The following POLR1D variants were observed in gnomAD, a reference collection of about 807,000 sequenced individuals.
POLR1D encodes RNA polymerase I and III subunit D.
A neutral mutation model predicts 10.8 loss-of-function variants in POLR1D; 8 were observed. The ratio of observed to expected loss-of-function variants is 0.74; its 90% CI spans 0.43 to 1.33. The LOEUF (loss-of-function observed/expected upper bound fraction) is 1.33. POLR1D is among the 40% of genes most tolerant of loss of function. The pLI is 0.01. For synonymous variants in POLR1D, 54 were observed against 57.2 expected, an observed-to-expected ratio of 0.94 and a Z score of 0.25; for missense variants, 152 against 161.7, an observed-to-expected ratio of 0.94 and a Z score of 0.32.
downstream of POLR1D, among the ~76,000 whole-genome samples, chr13:27,624,346 G>C (rs982490571): frequency 2.6e-5 from 4 of 152,200 alleles, no homozygotes; most frequent in Non-Finnish European, 1.5e-5. Flanking sequence ...TGGAACACCT[G>C]ACAGGTAGTG....
intron 1 of POLR1D, among the ~76,000 whole-genome samples, chr13:27,641,073 A>T (rs1486780783): frequency 3.3e-5 from 5 of 152,184 alleles, no homozygotes; most frequent in African/African-American, 1.2e-4. Flanking sequence ...CTTTAAAAAA[A>T]ATTTTCAATC....
chr13:27,627,098 TAG>T (rs1956018610), downstream of POLR1D, among the ~76,000 whole-genome samples: 6 of 152,236 alleles, frequency 3.9e-5, no homozygotes, highest in Admixed American at 3.3e-4. Flanking sequence ...TAGCGTAATT[TAG>T]AGTCATTCTT....
Position 27,643,847 on chromosome 13 carries a change from A to T in POLR1D, c.27-4532A>T, listed in dbSNP as rs189667335. On this transcript the variant is annotated intron_variant, in intron 1 of 2. Transcript: ENST00000399697. ...AACAGCAGCAAATGATGCTGTACTC[A>T]TTTCTGCCAATTTTCTAAGAAGTCT... 3.4e-3 allele frequency among the ~76,000 whole-genome samples: 515 copies of T among 152,270 alleles called. 1 individual carries two copies. Among genetic ancestry groups the T allele is most frequent in the Admixed American group, 6.1e-3 (94 of 15,288 alleles).
At chr13:27,635,340 A>G (rs1237952656) in intron 1 of POLR1D, among the ~76,000 whole-genome samples, 1 of 152,194 alleles carries the variant, frequency 6.6e-6, no homozygotes, top group Non-Finnish European at 1.5e-5. Flanking sequence ...AGAAACTTTT[A>G]TTCACGGATT....
intron 2 of POLR1D, among the ~76,000 whole-genome samples, chr13:27,651,928 T>C (rs1566150605): frequency 6.6e-6 from 1 of 152,214 alleles, no homozygotes; most frequent in Middle Eastern, 3.2e-3. Flanking sequence ...TAGCAGTTAG[T>C]TAGTAAATAT....
At chr13:27,639,403 CAG>C (rs1272235854) in intron 1 of POLR1D, among the ~76,000 whole-genome samples, 1 of 152,098 alleles carries the variant, frequency 6.6e-6, no homozygotes, top group Non-Finnish European at 1.5e-5. Context: ...CTTTTCTATT[CAG>C]AGTTTAACAT....
At position 27,663,267 on chromosome 13, in the gene POLR1D, G is replaced by T. The variant is rs563494651; in HGVS notation, c.102-2419G>T. On this transcript the variant is annotated intron_variant, in intron 2 of 2. Coordinates refer to the POLR1D transcript ENST00000399697. The surrounding 1 kb of genome is among the most constrained non-coding windows in gnomAD (Gnocchi z 4.1). ...GAGCACTTGTCATCACTTCTAAAAT[G>T]TGTACTGGCATGCCTGGGAGATGTC... 1.3e-5 allele frequency among the ~76,000 whole-genome samples: 2 copies of T among 152,256 alleles called. No individual in the cohort carries two copies. Among genetic ancestry groups the T allele is most frequent in the African/African-American group, 4.8e-5 (2 of 41,544 alleles).
At chr13:27,635,696 C>CTA (rs3081355) in intron 1 of POLR1D, among the ~76,000 whole-genome samples, 4,933 of 140,422 alleles carry the variant, frequency 0.035, 118 homozygotes, top group African/African-American at 0.07. Flanking sequence ...TACAAAGTAA[C>CTA]TATATATATA....
At chr13:27,642,499 A>T (rs1442865577) in intron 1 of POLR1D, among the ~76,000 whole-genome samples, 1 of 151,290 alleles carries the variant, frequency 6.6e-6, no homozygotes, top group African/African-American at 2.4e-5. Context: ...TCTTCTTCTC[A>T]CCTCCTTTGT....
intron 2 of POLR1D, among the ~76,000 whole-genome samples, chr13:27,648,860 A>G (rs1002275562): frequency 6.6e-6 from 1 of 152,236 alleles, no homozygotes; most frequent in Non-Finnish European, 1.5e-5. Context: ...CATTTTGATT[A>G]TGTGACAATT....
intron 1 of POLR1D, among the ~76,000 whole-genome samples, chr13:27,633,247 A>C (rs367687214): frequency 1.3e-5 from 2 of 152,220 alleles, no homozygotes; most frequent in East Asian, 1.9e-4. Flanking sequence ...TTATACACAC[A>C]TAAGAAGGCA....
chr13:27,644,150 T>C (rs972725237), intron 1 of POLR1D, among the ~76,000 whole-genome samples: 1 of 152,200 alleles, frequency 6.6e-6, no homozygotes, highest in African/African-American at 2.4e-5. Flanking sequence ...AGCAGTTATT[T>C]GAGATTTAGC....
chr13:27,656,721 C>A (rs763090704), intron 2 of POLR1D, among the ~76,000 whole-genome samples: 6 of 152,120 alleles, frequency 3.9e-5, no homozygotes, highest in African/African-American at 1.4e-4. Context: ...GTTCTCTGTG[C>A]CCCTTTACCC....
intron 2 of POLR1D, among the ~76,000 whole-genome samples, chr13:27,661,827 C>A (rs952056551): frequency 6.6e-6 from 1 of 152,164 alleles, no homozygotes; most frequent in Admixed American, 6.5e-5. Flanking sequence ...CCACCTACTT[C>A]AACCGTTAGT....
downstream of POLR1D, among the ~76,000 whole-genome samples, chr13:27,626,961 CAA>C: frequency 6.6e-6 from 1 of 152,204 alleles, no homozygotes; most frequent in East Asian, 1.9e-4. Flanking sequence ...TCTTGCATCT[CAA>C]GAGATAGGAA....
At chr13:27,623,572 T>C (rs1384115714), downstream of POLR1D, 2 of 290,818 alleles carry the variant, frequency 6.9e-6, no homozygotes, top group South Asian at 3.8e-5. Flanking sequence ...AGAACTGTGA[T>C]CATGGGAATT....
downstream of POLR1D, among the ~76,000 whole-genome samples, chr13:27,624,078 T>G (rs958627245): frequency 6.6e-6 from 1 of 152,098 alleles, no homozygotes; most frequent in Non-Finnish European, 1.5e-5. Context: ...AATGACTGTT[T>G]TGGAAAACAC....
intron 2 of POLR1D, chr13:27,648,459 T>C: frequency 6.3e-7 from 1 of 1,591,866 alleles, no homozygotes; most frequent in Non-Finnish European, 8.6e-7. Context: ...GGTTGGTAAG[T>C]TCTTTGAGTA....
chr13:27,636,136 G>C (rs1374612541), intron 1 of POLR1D, among the ~76,000 whole-genome samples: 1 of 152,170 alleles, frequency 6.6e-6, no homozygotes, highest in Non-Finnish European at 1.5e-5. Context: ...GATAGTGTTA[G>C]TGTTGGTACT....
Sources: gnomAD v4.1 joint callset for allele counts (sites outside exome capture counted in the v4.1 genomes callset) on GRCh38, gnomAD v4.1.1 for gene constraint, Gnocchi (gnomAD v3.1) non-coding constraint, MANE v1.5 for transcripts, NCBI Gene and HGNC (gene_info 2026-07-23, HGNC 2026-07-21) for gene names.